LUC7L2: variants seen among roughly 807,000 people sequenced by gnomAD.
The protein encoded by LUC7L2 is LUC7 like 2, pre-mRNA splicing factor.
LUC7L2 carries 25 observed loss-of-function variants against 52.8 expected under a neutral mutation model. The observed-to-expected ratio is 0.47, with a 90% CI of 0.34 to 0.66. LUC7L2 has a LOEUF of 0.66. LUC7L2 is among the 30% of genes least tolerant of loss of function. The pLI is 0.01. For missense variants in LUC7L2, 328 were observed against 497.8 expected, an observed-to-expected ratio of 0.66 and a Z score of 3.25; for synonymous variants, 144 against 160.9, an observed-to-expected ratio of 0.89 and a Z score of 0.80.
chr7:139,381,987 C>T (rs570450588), intron 2 of LUC7L2, among the ~76,000 whole-genome samples: 12 of 149,412 alleles, frequency 8.0e-5, no homozygotes, highest in Admixed American at 6.1e-4. Flanking sequence ...CAGGTTCAAG[C>T]GATTCCCTTG....
chr7:139,342,417 GA>G (rs1188404656), intron 1 of LUC7L2, among the ~76,000 whole-genome samples: 1 of 152,174 alleles, frequency 6.6e-6, no homozygotes, highest in Non-Finnish European at 1.5e-5. Context: ...CCCAAGGGGA[GA>G]AAAATTGCCA....
At chr7:139,340,781 C>G (rs1357734875) in intron 1 of LUC7L2, among the ~76,000 whole-genome samples, 2 of 151,116 alleles carry the variant, frequency 1.3e-5, no homozygotes, top group Admixed American at 6.6e-5. Flanking sequence ...TGGCCTGTGA[C>G]TTTTGTCCTT....
chr7:139,360,371 G>T (rs1216766884), intron 1 of LUC7L2, 49 bp downstream of exon 1: 8 of 1,524,918 alleles, frequency 5.2e-6, no homozygotes, highest in Non-Finnish European at 7.1e-6. Flanking sequence ...CGGGGACGGC[G>T]AAGGGAAGGG....
At chr7:139,348,291 G>C (rs1049979301) in intron 1 of LUC7L2, among the ~76,000 whole-genome samples, 1 of 151,460 alleles carries the variant, frequency 6.6e-6, no homozygotes, top group Admixed American at 6.6e-5. Flanking sequence ...TCCCACCTAG[G>C]ACTCCCAAAG....
At chr7:139,398,992 C>G (rs966220877) in intron 3 of LUC7L2, among the ~76,000 whole-genome samples, 2 of 152,002 alleles carry the variant, frequency 1.3e-5, no homozygotes, top group Admixed American at 1.3e-4. Flanking sequence ...ATGTAAGCAA[C>G]TAATTTATAG....
At chr7:139,379,999 G>A (rs964696157) in intron 2 of LUC7L2, among the ~76,000 whole-genome samples, 2 of 150,752 alleles carry the variant, frequency 1.3e-5, no homozygotes, top group Non-Finnish European at 3.0e-5. Context: ...CCAACATGGT[G>A]AAACCCCATC....
intron 1 of LUC7L2, chr7:139,345,885 C>A: frequency 1.5e-6 from 1 of 666,536 alleles, no homozygotes; most frequent in Non-Finnish European, 2.3e-6. Context: ...GAACTTTTTG[C>A]ACTAGACTGA....
chr7:139,382,184 C>T (rs1801066599), intron 2 of LUC7L2, among the ~76,000 whole-genome samples: 1 of 152,046 alleles, frequency 6.6e-6, no homozygotes, highest in Non-Finnish European at 1.5e-5. Flanking sequence ...GCCACTGCCC[C>T]CAGCTAGTTT....
At chr7:139,350,111 T>C (rs1199040102) in intron 1 of LUC7L2, among the ~76,000 whole-genome samples, 1 of 152,054 alleles carries the variant, frequency 6.6e-6, no homozygotes, top group Admixed American at 6.6e-5. Context: ...CATACTGATT[T>C]TGAGCCTTAA....
rs750555477 is a variant in LUC7L2, at chr7:139,422,332, G to A, written c.1171G>A (p.Glu391Lys). ...RRSSEEREAG[E>K]I Reference sequence around the variant, plus strand: ...GAGCTCTGAAGAGCGCGAAGCAGGGGAGATCTAACTAGCTGTGTACATTTC... The same window carrying A: ...GAGCTCTGAAGAGCGCGAAGCAGGGAAGATCTAACTAGCTGTGTACATTTC... The change falls in exon 10 of 10, where the codon GAG (glutamate) becomes AAG (lysine). Residue 391 changes from glutamate to lysine, a missense_variant. Physicochemically the swap from Glu to Lys is moderately conservative, Grantham distance 56. Around this residue, in one of 2 missense-constraint regions of LUC7L2, gnomAD observed 195 missense variants for 223.3 expected, o/e 0.87. Transcript: ENST00000354926. 1.1e-5 allele frequency: 18 copies of A among 1,610,596 alleles called. No individual in the cohort carries two copies. The South Asian group carries it at 1.8e-4, about 16-fold the overall frequency.
At chr7:139,364,465 G>C (rs749177063) in intron 1 of LUC7L2, among the ~76,000 whole-genome samples, 1 of 151,944 alleles carries the variant, frequency 6.6e-6, no homozygotes, top group African/African-American at 2.4e-5. Context: ...GACTGTTTCG[G>C]GCAAGTTAAA....
intron 2 of LUC7L2, among the ~76,000 whole-genome samples, chr7:139,396,787 T>C (rs1185168153): frequency 1.3e-5 from 2 of 152,206 alleles, no homozygotes; most frequent in Non-Finnish European, 2.9e-5. Context: ...ACAATATAGA[T>C]TTTTCTCAGT....
In LUC7L2 at chr7:139,415,060, T is replaced by G. The variant is rs1374728351; in HGVS notation, c.810-2478T>G. ...TGCCACCATGCCCTGCTAAGTTTTT[T>G]TTTTTTTTTTTTTTTTTTTTTTTGT... is the stretch of plus-strand genomic sequence containing the variant. On this transcript the variant is annotated intron_variant, in intron 8 of 9. Transcript: ENST00000354926. 3.8e-4 allele frequency among the ~76,000 whole-genome samples: 54 copies of G among 142,954 alleles called. 1 individual carries two copies. Among genetic ancestry groups the G allele is most frequent in the African/African-American group, 1.1e-3 (45 of 40,024 alleles). The allele number at this position is 142,954 out of a possible 152,430, so 93.8% of individuals were successfully genotyped here. A position where few individuals can be genotyped will look rare whatever the true frequency, so the allele number is the denominator to read the frequency against.
chr7:139,347,154 T>G (rs1799295885), intron 1 of LUC7L2, among the ~76,000 whole-genome samples: 1 of 152,260 alleles, frequency 6.6e-6, no homozygotes. Flanking sequence ...GATAACCTCT[T>G]TTCTCGGGGA....
At chr7:139,354,121 A>AT (rs904844019) in intron 1 of LUC7L2, among the ~76,000 whole-genome samples, 6 of 152,074 alleles carry the variant, frequency 3.9e-5, no homozygotes, top group Middle Eastern at 6.8e-3. Context: ...CAGAAAAAAA[A>AT]AAATTGAAAA....
At position 139,412,545 on chromosome 7, in the gene LUC7L2, T is replaced by C; in HGVS notation, c.780-6T>C. ...TTTTCTAAAAATACATATTTTTTTT[T>C]TTTAGGTCCCGATCACACAGCAAGA... is the stretch of plus-strand genomic sequence containing the variant. On this transcript the variant is annotated splice_polypyrimidine_tract_variant and splice_region_variant and intron_variant, in intron 7 of 9. Transcript: ENST00000354926. The C allele has an allele frequency of 1.2e-6, 2 of 1,603,326 alleles. No individual in the cohort carries two copies. Among genetic ancestry groups the C allele is most frequent in the Non-Finnish European group, 1.7e-6 (2 of 1,176,762 alleles).
chr7:139,360,553 G>T (rs1305924305), intron 1 of LUC7L2, among the ~76,000 whole-genome samples: 1 of 152,188 alleles, frequency 6.6e-6, no homozygotes, highest in East Asian at 1.9e-4. Context: ...GGCGGGGCCT[G>T]GAGGCAGAAA....
chr7:139,415,465 A>C (rs779882592), intron 8 of LUC7L2, among the ~76,000 whole-genome samples: 1 of 152,128 alleles, frequency 6.6e-6, no homozygotes, highest in African/African-American at 2.4e-5. Context: ...TAATAACTCA[A>C]AATGAGTGGT....
At chr7:139,409,683 G>A in intron 7 of LUC7L2, 29 bp downstream of exon 7, 1 of 1,568,008 alleles carries the variant, frequency 6.4e-7, no homozygotes, top group Non-Finnish European at 8.6e-7. Flanking sequence ...AGTAATTGAA[G>A]TTGAATCTCT....
Sources: gnomAD v4.1 joint callset for allele counts (sites outside exome capture counted in the v4.1 genomes callset) on GRCh38, gnomAD v4.1.1 for gene constraint, gnomAD v4.1.1 regional missense constraint, MANE v1.5 for transcripts, NCBI Gene and HGNC (gene_info 2026-07-23, HGNC 2026-07-21) for gene names.